MED15: variants seen among roughly 807,000 people sequenced by gnomAD.
The protein encoded by MED15 is mediator of RNA polymerase II transcription subunit 15.
In MED15, 41 loss-of-function variants were observed where a neutral mutation model predicts 118.7. That is an observed-to-expected ratio of 0.35 (90% CI 0.27 to 0.45). The LOEUF (loss-of-function observed/expected upper bound fraction) is 0.45. Ranked by LOEUF, MED15 falls within the 20% of genes least tolerant of loss-of-function variation. The pLI is 1.00. For missense variants in MED15, 740 were observed against 1,025.5 expected, an observed-to-expected ratio of 0.72 and a Z score of 3.80; for synonymous variants, 436 against 413.9, an observed-to-expected ratio of 1.05 and a Z score of -0.65.
chr22:20,510,550 G>A (rs769210194), intron 1 of MED15, among the ~76,000 whole-genome samples: 8 of 152,190 alleles, frequency 5.3e-5, no homozygotes, highest in Non-Finnish European at 1.2e-4. Flanking sequence ...GAACTTGCTT[G>A]CAAGCCCATT....
chr22:20,536,792 G>A (rs188472561), intron 1 of MED15, among the ~76,000 whole-genome samples: 22 of 152,308 alleles, frequency 1.4e-4, no homozygotes, highest in African/African-American at 5.3e-4. Context: ...AGTCTAATGC[G>A]TACTTCCTTG....
At position 20,555,908 on chromosome 22, in the gene MED15, A is replaced by C. The variant is rs570453428; in HGVS notation, c.451+760A>C. On this transcript the variant is annotated intron_variant, in intron 5 of 17. Coordinates refer to ENST00000263205, the MANE Select transcript of MED15 (RefSeq NM_001003891.3). ...GGCTAATATTTTGTATTTTTTGTAG[A>C]GATGGGACTTCACCATGTTGCCCAG... is the stretch of plus-strand genomic sequence containing the variant. 3.3e-5 allele frequency among the ~76,000 whole-genome samples: 5 copies of C among 152,302 alleles called. No homozygotes were observed. In the South Asian group the frequency reaches 1.0e-3, roughly 32 times the overall value.
chr22:20,570,621 C>T (rs940881701), intron 8 of MED15, among the ~76,000 whole-genome samples: 5 of 151,138 alleles, frequency 3.3e-5, no homozygotes, highest in African/African-American at 4.9e-5. Flanking sequence ...GAACTCCTGA[C>T]CTCAAGTGAT....
intron 1 of MED15, among the ~76,000 whole-genome samples, chr22:20,529,604 A>G (rs1242268614): frequency 6.7e-6 from 1 of 148,932 alleles, no homozygotes; most frequent in African/African-American, 2.5e-5. Context: ...TTGTATTTTT[A>G]TTTTTTATTT....
chr22:20,543,108 TCTTTGTGTGTGTGTGTGTGTGTG>T (rs2146474899), intron 2 of MED15, among the ~76,000 whole-genome samples: 1 of 119,096 alleles, frequency 8.4e-6, no homozygotes, highest in African/African-American at 3.4e-5. Flanking sequence ...TTCTCTCTCT[TCTTTGTGTGTGTGTGTGTGTGTG>T]TGTGTGTGTG....
In MED15 at chr22:20,566,781, T is replaced by C. The variant is rs1219320427; in HGVS notation, c.1005T>C (p.Pro335=). 1 of 1,614,196 alleles carries C rather than the reference T, an allele frequency of 6.2e-7. No homozygotes were observed. Among genetic ancestry groups the C allele is most frequent in the Admixed American group, 1.7e-5 (1 of 60,026 alleles). The change falls in exon 7 of 18, where the codon CCT becomes CCC. Residue 335 remains proline (P), a synonymous_variant. Coordinates refer to ENST00000263205, the MANE Select transcript of MED15 (RefSeq NM_001003891.3). ...QPLVSQAQAL[P]GQMLYTQPPL... is the part of the protein sequence containing the mutation. ...TGGTGTCACAGGCGCAAGCTCTCCC[T>C]GGACAAATGTTGTATACCCAACCAC...
intron 9 of MED15, among the ~76,000 whole-genome samples, chr22:20,576,727 AAGG>A (rs1459212046): frequency 6.6e-6 from 1 of 152,212 alleles, no homozygotes; most frequent in Non-Finnish European, 1.5e-5. Flanking sequence ...CTGTGGTGGA[AAGG>A]AGGCCAGTGT....
chr22:20,583,777 C>A (rs1245760153), intron 13 of MED15: 2 of 272,620 alleles, frequency 7.3e-6, no homozygotes, highest in South Asian at 1.0e-4. Context: ...ATCTCAGTTA[C>A]CCCATTTGTA....
chr22:20,583,312 T>C lies in MED15; in HGVS notation c.1673-18T>C. 2 of 1,613,522 alleles carry C rather than the reference T, an allele frequency of 1.2e-6. No homozygotes were observed. Among genetic ancestry groups the C allele is most frequent in the Non-Finnish European group, 1.7e-6 (2 of 1,179,974 alleles). ...ACCACCAGGCTTGTGTCTTAGTGTG[T>C]ACCCTCTTCTGTCCCAGACAGAAAA... is the stretch of plus-strand genomic sequence containing the variant. On this transcript the variant is annotated intron_variant, in intron 12 of 17. Transcript: ENST00000263205.
chr22:20,548,547 C>A (rs890837256), intron 2 of MED15, among the ~76,000 whole-genome samples: 1 of 152,180 alleles, frequency 6.6e-6, no homozygotes, highest in African/African-American at 2.4e-5. Context: ...TTAGAGAGGG[C>A]ACATTTCCAG....
intron 1 of MED15, among the ~76,000 whole-genome samples, chr22:20,521,839 C>T (rs2054474319): frequency 6.6e-6 from 1 of 151,922 alleles, no homozygotes; most frequent in African/African-American, 2.4e-5. Flanking sequence ...GATTCTCCCA[C>T]CTCGGCCTCC....
chr22:20,542,393 G>A (rs887881040), intron 2 of MED15, among the ~76,000 whole-genome samples: 2 of 152,198 alleles, frequency 1.3e-5, no homozygotes, highest in East Asian at 3.8e-4. Context: ...GTGGCCACAC[G>A]AAGCAATGAA....
At chr22:20,541,101 T>TG (rs2055284174) in intron 2 of MED15, among the ~76,000 whole-genome samples, 1 of 151,840 alleles carries the variant, frequency 6.6e-6, no homozygotes, top group Admixed American at 6.6e-5. Flanking sequence ...TAGCCAGGCG[T>TG]GGTGGTGGGC....
intron 8 of MED15, among the ~76,000 whole-genome samples, chr22:20,569,012 A>G (rs2056546172): frequency 6.6e-6 from 1 of 152,178 alleles, no homozygotes; most frequent in Admixed American, 6.5e-5. Flanking sequence ...GGTGGAGGGC[A>G]GCTTTCTAGA....
In MED15 at chr22:20,555,134, C is replaced by T. The variant is rs373793414; in HGVS notation, c.437C>T (p.Thr146Met). Reference protein sequence around the residue: ...MAPHSMAVVSTATPQTQLQLQ... With the variant: ...MAPHSMAVVSMATPQTQLQLQ... Reference sequence around the variant, plus strand: ...CCTCACAGCATGGCTGTCGTGTCTACGGCAACTCCACAGAGTGAGTACCAC... The same window carrying T: ...CCTCACAGCATGGCTGTCGTGTCTATGGCAACTCCACAGAGTGAGTACCAC... The change falls in exon 5 of 18, where the codon ACG becomes ATG. Residue 146 changes from threonine (T) to methionine (M), a missense_variant. Around this residue, in one of 7 missense-constraint regions of MED15, gnomAD observed 117 missense variants for 124.6 expected, o/e 0.94. Transcript: ENST00000263205. The T allele has an allele frequency of 1.7e-5, 27 of 1,602,662 alleles. No individual in the cohort carries two copies. The highest frequency in any genetic ancestry group is 6.7e-5 in the East Asian group (3 of 44,476).
At chr22:20,510,055 C>G (rs76651446) in intron 1 of MED15, among the ~76,000 whole-genome samples, 3,795 of 152,134 alleles carry the variant, frequency 0.025, 165 homozygotes, top group African/African-American at 0.087. Flanking sequence ...TTTTCTGTTG[C>G]CGCTCTAACA....
chr22:20,507,978 T>TG, intron 1 of MED15: 2 of 1,434,148 alleles, frequency 1.4e-6, no homozygotes, highest in African/African-American at 1.4e-5. Flanking sequence ...CCCTGGCTTA[T>TG]GAATCATCGT....
At chr22:20,516,270 G>A (rs1015811796) in intron 1 of MED15, among the ~76,000 whole-genome samples, 9 of 151,768 alleles carry the variant, frequency 5.9e-5, no homozygotes, top group Admixed American at 5.3e-4. Flanking sequence ...CCGAGATCAC[G>A]CCATTGCACT....
At chr22:20,565,269 C>T (rs987752385) in intron 6 of MED15, among the ~76,000 whole-genome samples, 8 of 152,166 alleles carry the variant, frequency 5.3e-5, no homozygotes, top group Non-Finnish European at 1.0e-4. Flanking sequence ...TCAGGGGCTG[C>T]GAGGGATTCA....
Sources: gnomAD v4.1 joint callset for allele counts (sites outside exome capture counted in the v4.1 genomes callset) on GRCh38, gnomAD v4.1.1 for gene constraint, gnomAD v4.1.1 regional missense constraint, MANE v1.5 for transcripts, NCBI Gene and HGNC (gene_info 2026-07-23, HGNC 2026-07-21) for gene names.